Variants in GRAMD4 observed in about 807,000 individuals in gnomAD.
GRAMD4 encodes the protein GRAM domain containing 4.
GRAMD4 carries 25 observed loss-of-function variants against 83.9 expected under a neutral mutation model. The ratio of observed to expected loss-of-function variants is 0.30; its 90% CI spans 0.22 to 0.42. GRAMD4 has a LOEUF of 0.42. Among genes scored for constraint, GRAMD4 ranks in the 10% least tolerant of loss-of-function variants. GRAMD4 has a pLI of 1.00. For missense variants in GRAMD4, 593 were observed against 788.7 expected (o/e 0.75, Z 2.97); for synonymous variants, 336 against 320.9 (o/e 1.05, Z -0.50).
At chr22:46,635,806 C>A (rs1020167645) in intron 2 of GRAMD4, among the ~76,000 whole-genome samples, 7 of 135,970 alleles carry the variant, frequency 5.1e-5, no homozygotes, top group African/African-American at 1.9e-4. Context: ...CCCACCCCCC[C>A]GGCCACTGGA....
At chr22:46,643,139 C>G (rs796187220) in intron 3 of GRAMD4, among the ~76,000 whole-genome samples, 21 of 31,970 alleles carry the variant, frequency 6.6e-4, no homozygotes, top group South Asian at 1.6e-3. Context: ...ATCCATGCAT[C>G]CTTCCATCCA....
intron 3 of GRAMD4, among the ~76,000 whole-genome samples, chr22:46,648,887 G>GATGGATGC: frequency 7.1e-6 from 1 of 140,584 alleles, no homozygotes; most frequent in African/African-American, 2.8e-5. Context: ...TGGATGGATG[G>GATGGATGC]ATGGATGGAT....
chr22:46,637,905 A>G lies in GRAMD4; in HGVS notation c.228A>G (p.Arg76=), dbSNP rs2081914867. 3.1e-6 allele frequency: 5 copies of G among 1,613,384 alleles called. No individual in the cohort carries two copies. The highest frequency in any genetic ancestry group is 4.2e-6 in the Non-Finnish European group (5 of 1,179,278). Residue 76 remains arginine, a synonymous_variant, in exon 3 of 19, where the codon CGA becomes CGG. Transcript: ENST00000406902. Reference sequence around the variant, plus strand: ...ACTTTAACCGGACAGAGTTTGATCGACTGAATGAGATCAAAGGTCACCTGG... The same window carrying G: ...ACTTTAACCGGACAGAGTTTGATCGGCTGAATGAGATCAAAGGTCACCTGG... ...VQDFNRTEFD[R]LNEIKGHLEI... is the part of the protein sequence containing the mutation.
intron 2 of GRAMD4, among the ~76,000 whole-genome samples, chr22:46,635,107 GCCCCC>G (rs2081841997): frequency 1.4e-5 from 1 of 71,810 alleles, no homozygotes; most frequent in African/African-American, 4.3e-5. Flanking sequence ...CCCTGCCCCC[GCCCCC>G]AGCCACTCCT....
At chr22:46,673,117 A>G (rs1355117772) in intron 14 of GRAMD4, 120 bp downstream of exon 14, 4 of 822,164 alleles carry the variant, frequency 4.9e-6, no homozygotes, top group African/African-American at 3.5e-5. Flanking sequence ...TCAATTTTAT[A>G]GACTCCTTAA....
chr22:46,673,260 T>C (rs2082540778), intron 14 of GRAMD4, among the ~76,000 whole-genome samples: 2 of 151,960 alleles, frequency 1.3e-5, no homozygotes, highest in South Asian at 4.2e-4. Context: ...GACCACTCCA[T>C]GGGGGTGCCC....
Position 46,679,030 on chromosome 22 carries a change from G to A in GRAMD4, c.*1779G>A. On this transcript the variant is annotated 3_prime_UTR_variant, in exon 19 of 19. Transcript: ENST00000406902. Reference sequence around the variant, plus strand: ...CTGGCTCTCTTGGTGCACCAGGGGAGGGGGACATATCCCAGTGAACCCCAC... The same window carrying A: ...CTGGCTCTCTTGGTGCACCAGGGGAAGGGGACATATCCCAGTGAACCCCAC... 3.0e-6 allele frequency: 3 copies of A among 985,696 alleles called. No homozygotes were observed. Among genetic ancestry groups the A allele is most frequent in the South Asian group, 4.7e-5 (1 of 21,288 alleles). The allele number at this position is 985,696 out of a possible 1,614,324, so 61.1% of individuals were successfully genotyped here.
At chr22:46,663,808 T>C in intron 6 of GRAMD4, 30 bp from the exon 7 acceptor site, 5 of 1,612,010 alleles carry the variant, frequency 3.1e-6, no homozygotes, top group Non-Finnish European at 4.2e-6. Context: ...GCATTAACCC[T>C]GGGCTCCCAT....
rs1194902821 is a variant in GRAMD4, at chr22:46,577,918, C to T, written c.-50+628C>T. On this transcript the variant is annotated intron_variant, in intron 1 of 1. Coordinates refer to the GRAMD4 transcript ENST00000431155. ...TGGGGTGCAGTGTGGCAACCCCGGC[C>T]CGAGGCCCCACATGTCTAGAGCAGG... Among the ~76,000 whole-genome samples the T allele has an allele frequency of 5.3e-5, 8 of 152,316 alleles. No homozygotes were observed. In the South Asian group the frequency reaches 1.7e-3, roughly 32 times the overall value.
chr22:46,662,352 C>A (rs1344738490), intron 5 of GRAMD4, among the ~76,000 whole-genome samples: 1 of 152,252 alleles, frequency 6.6e-6, no homozygotes, highest in South Asian at 2.1e-4. Flanking sequence ...TTTGGCGAGG[C>A]AGCACCCGCT....
rs945891565 is a variant in GRAMD4, at chr22:46,621,482, G to A, written c.-50+917G>A. Among the ~76,000 whole-genome samples the A allele has an allele frequency of 2.0e-5, 3 of 151,922 alleles. No homozygotes were observed. The highest frequency in any genetic ancestry group is 4.8e-5 in the African/African-American group (2 of 41,352). On this transcript the variant is annotated intron_variant, in intron 1 of 18. Transcript: ENST00000406902. The surrounding 1 kb of genome is among the most constrained non-coding windows in gnomAD (Gnocchi z 5.8). The stretch of plus-strand genomic sequence containing the variant: ...CCCGGTGCAGGCGCAGGCTGGAGGC[G>A]TAGCCCGGGCCCATCCCTGGCGGTG...
At chr22:46,644,753 G>A (rs1388063193) in intron 3 of GRAMD4, among the ~76,000 whole-genome samples, 1 of 128,752 alleles carries the variant, frequency 7.8e-6, no homozygotes, top group Non-Finnish European at 1.6e-5. Flanking sequence ...TTGTTTTTGA[G>A]ATAGGGTCTC....
At chr22:46,648,899 CATGGATGGATGG>C (rs1188010701) in intron 3 of GRAMD4, among the ~76,000 whole-genome samples, 2 of 13,810 alleles carry the variant, frequency 1.4e-4, no homozygotes, top group African/African-American at 2.7e-4. Context: ...TGGATGGATG[CATGGATGGATGG>C]ATGGATGGAT....
Position 46,674,728 on chromosome 22 carries a change from G to A in GRAMD4, c.1456G>A (p.Gly486Arg). 6.2e-7 allele frequency: 1 copy of A among 1,611,616 alleles called. No individual in the cohort carries two copies. The highest frequency in any genetic ancestry group is 8.5e-7 in the Non-Finnish European group (1 of 1,178,398). Residue 486 changes from glycine (G) to arginine (R), a missense_variant, in exon 16 of 19, where the codon GGG becomes AGG. Gly to Arg is a moderately radical substitution (Grantham distance 125). Coordinates refer to ENST00000406902, the MANE Select transcript of GRAMD4 (RefSeq NM_015124.5). The stretch of plus-strand genomic sequence containing the variant: ...GATGCCCACGGACTACATCAGGAAC[G>A]GGGTGCTCTACGTCACGGAGAAGTG... The part of the protein sequence containing the change: ...RKMPTDYIRN[G>R]VLYVTENYLC...
chr22:46,623,769 A>T (rs2081612453), intron 1 of GRAMD4, among the ~76,000 whole-genome samples: 2 of 148,068 alleles, frequency 1.4e-5, no homozygotes, highest in South Asian at 4.2e-4. Flanking sequence ...TACATTGACT[A>T]CATTGTCAAG....
At chr22:46,615,613 T>TCAA (rs1328706896), upstream of GRAMD4, among the ~76,000 whole-genome samples, 3 of 96,664 alleles carry the variant, frequency 3.1e-5, no homozygotes, top group Middle Eastern at 9.6e-3. Context: ...AGGTTCCCCG[T>TCAA]GCGTGTAGGT....
chr22:46,637,786 C>G, intron 2 of GRAMD4, 54 bp from the exon 3 acceptor site: 2 of 1,603,722 alleles, frequency 1.2e-6, no homozygotes, highest in Non-Finnish European at 1.7e-6. Context: ...CTGAGTGGTG[C>G]AGACCCAGGG....
At chr22:46,634,413 A>C (rs1251697482) in intron 2 of GRAMD4, among the ~76,000 whole-genome samples, 56 of 152,344 alleles carry the variant, frequency 3.7e-4, no homozygotes, top group Non-Finnish European at 2.9e-5. Flanking sequence ...ATAGGTGTGC[A>C]TCTCCAAACA....
At chr22:46,647,762 C>T (rs2082092149) in intron 3 of GRAMD4, among the ~76,000 whole-genome samples, 1 of 152,266 alleles carries the variant, frequency 6.6e-6, no homozygotes, top group South Asian at 2.1e-4. Context: ...AGCCAAGGTC[C>T]TGCATGCAGT....
Sources: gnomAD v4.1 joint callset for allele counts (sites outside exome capture counted in the v4.1 genomes callset) on GRCh38, gnomAD v4.1.1 for gene constraint, Gnocchi (gnomAD v3.1) non-coding constraint, MANE v1.5 for transcripts, NCBI Gene and HGNC (gene_info 2026-07-23, HGNC 2026-07-21) for gene names.